TSNARE1: variants seen among roughly 807,000 people sequenced by gnomAD.
The protein encoded by TSNARE1 is t-SNARE domain containing 1.
A neutral mutation model predicts 62.0 loss-of-function variants in TSNARE1; 49 were observed. The ratio of observed to expected loss-of-function variants is 0.79; its 90% CI spans 0.63 to 1.00. TSNARE1 has a LOEUF of 1.00. TSNARE1 is among the 50% of genes least tolerant of loss of function. The pLI, the probability that TSNARE1 is intolerant of heterozygous loss-of-function variation, is 0.00. For missense variants in TSNARE1, 755 were observed against 700.1 expected (o/e 1.08, Z -0.88); for synonymous variants, 328 against 294.4 (o/e 1.11, Z -1.17).
chr8:142,312,304 C>T (rs544112994), intron 9 of TSNARE1, among the ~76,000 whole-genome samples: 4 of 152,182 alleles, frequency 2.6e-5, no homozygotes, highest in Non-Finnish European at 5.9e-5. Context: ...GTTTCTACTT[C>T]CTGTTTTTCC....
chr8:142,325,522 G>A (rs985318238), intron 6 of TSNARE1, among the ~76,000 whole-genome samples: 1 of 152,172 alleles, frequency 6.6e-6, no homozygotes, highest in Admixed American at 6.5e-5. Flanking sequence ...GCGTGGACAC[G>A]GGGCAGCTCA....
chr8:142,395,092 C>A (rs13277505), intron 1 of TSNARE1, among the ~76,000 whole-genome samples: 23,317 of 152,130 alleles, frequency 0.15, 1,875 homozygotes, highest in East Asian at 0.21. Flanking sequence ...GGAAGGGGGG[C>A]GGCCCCGTGC....
At chr8:142,346,607 G>A (rs554969083) in intron 2 of TSNARE1, among the ~76,000 whole-genome samples, 1 of 152,378 alleles carries the variant, frequency 6.6e-6, no homozygotes, top group Non-Finnish European at 1.5e-5. Context: ...GCGCCAGGCT[G>A]AGGCCTCCGA....
At chr8:142,275,115 G>T (rs1306421745) in intron 11 of TSNARE1, 2 of 985,284 alleles carry the variant, frequency 2.0e-6, no homozygotes, top group East Asian at 2.3e-4. Flanking sequence ...CACACCAGGT[G>T]GGGCAGGAAG....
intron 1 of TSNARE1, among the ~76,000 whole-genome samples, chr8:142,373,833 G>A (rs1321050215): frequency 1.3e-5 from 2 of 152,142 alleles, no homozygotes; most frequent in Non-Finnish European, 2.9e-5. Context: ...CTAGGCAGGG[G>A]AGCGGGGAAG....
At chr8:142,231,518 G>T (rs1817115362) in intron 12 of TSNARE1, among the ~76,000 whole-genome samples, 1 of 152,194 alleles carries the variant, frequency 6.6e-6, no homozygotes, top group Non-Finnish European at 1.5e-5. Flanking sequence ...CAGGGACAGG[G>T]CTCTGCATCA....
At chr8:142,280,327 G>T (rs555531920) in intron 11 of TSNARE1, 1 of 985,392 alleles carries the variant, frequency 1.0e-6, no homozygotes, top group African/African-American at 1.7e-5. Flanking sequence ...GCTGGACCCT[G>T]GAAAGGCACC....
intron 10 of TSNARE1, among the ~76,000 whole-genome samples, chr8:142,299,349 C>A (rs1825287080): frequency 6.6e-6 from 1 of 152,248 alleles, no homozygotes; most frequent in African/African-American, 2.4e-5. Context: ...AGCTGAATTA[C>A]TGCCAGGCCT....
intron 10 of TSNARE1, among the ~76,000 whole-genome samples, chr8:142,286,757 A>G (rs1822837271): frequency 6.6e-6 from 1 of 152,090 alleles, no homozygotes; most frequent in South Asian, 2.1e-4. Context: ...CGGGCTTCCC[A>G]GTTATAGACG....
At chr8:142,227,324 C>T (rs975045024) in intron 13 of TSNARE1, among the ~76,000 whole-genome samples, 12 of 113,780 alleles carry the variant, frequency 1.1e-4, no homozygotes, top group Non-Finnish European at 1.9e-4. Context: ...CCCACAACTC[C>T]AGTGATAGCC....
At chr8:142,348,476 C>T (rs1262991289) in intron 2 of TSNARE1, among the ~76,000 whole-genome samples, 2 of 150,054 alleles carry the variant, frequency 1.3e-5, no homozygotes, top group Non-Finnish European at 3.0e-5. Context: ...CCGGCCGCCC[C>T]AAGCTGGCTG....
At chr8:142,227,468 C>T (rs1563761417) in intron 13 of TSNARE1, among the ~76,000 whole-genome samples, 1 of 150,886 alleles carries the variant, frequency 6.6e-6, no homozygotes, top group Non-Finnish European at 1.5e-5. Context: ...CCCACAACCA[C>T]AATGGCAGCC....
At position 142,282,433 on chromosome 8, in the gene TSNARE1, GCAGGGGCCA is replaced by G. The variant is rs1821683184; in HGVS notation, c.1363+1971_1363+1979del. ...GGGCCAGTGTCTATTAATGAGCGGA[GCAGGGGCCA>G]GTGTCTATCAATGAGCAAAGGGGAG... is the stretch of plus-strand genomic sequence containing the variant. On this transcript the variant is annotated intron_variant, in intron 11 of 13. Coordinates refer to ENST00000524325, the MANE Select transcript of TSNARE1 (RefSeq NM_145003.5). Among the ~76,000 whole-genome samples the G allele has an allele frequency of 2.8e-4, 42 of 150,388 alleles. 2 individuals are homozygous for G. Among genetic ancestry groups the G allele is most frequent in the Non-Finnish European group, 3.4e-4 (23 of 66,926 alleles).
At chr8:142,217,716 G>A (rs1390387040) in intron 13 of TSNARE1, among the ~76,000 whole-genome samples, 2 of 152,252 alleles carry the variant, frequency 1.3e-5, no homozygotes, top group African/African-American at 2.4e-5. Flanking sequence ...ACCAAGGTCA[G>A]GGCTCAAAAT....
At chr8:142,386,640 T>C (rs1258496424) in intron 1 of TSNARE1, among the ~76,000 whole-genome samples, 1 of 152,198 alleles carries the variant, frequency 6.6e-6, no homozygotes, top group African/African-American at 2.4e-5. Context: ...AGTTAAAATT[T>C]TGTAATGGGC....
At chr8:142,276,538 G>T (rs1423735057) in intron 11 of TSNARE1, 7 of 985,360 alleles carry the variant, frequency 7.1e-6, no homozygotes, top group Non-Finnish European at 8.4e-6. Context: ...GAGAGCATTT[G>T]CCAGCAGAGA....
Position 142,328,339 on chromosome 8 carries a change from G to A in TSNARE1, c.893+2562C>T, listed in dbSNP as rs539863148. Reference sequence around the variant, plus strand: ...AAGCATGTCCCAGCTCACAGCCTACGTGCCCTCCTTATTTGGAAATGTCAT... The same window carrying A: ...AAGCATGTCCCAGCTCACAGCCTACATGCCCTCCTTATTTGGAAATGTCAT... On this transcript the variant is annotated intron_variant, in intron 6 of 13. Coordinates refer to ENST00000524325, the MANE Select transcript of TSNARE1 (RefSeq NM_145003.5). Among the ~76,000 whole-genome samples the A allele has an allele frequency of 1.7e-4, 26 of 152,210 alleles. No individual in the cohort carries two copies. In the South Asian group the frequency reaches 3.9e-3, roughly 23 times the overall value.
At chr8:142,383,916 C>T (rs1362993750) in intron 1 of TSNARE1, among the ~76,000 whole-genome samples, 1 of 152,158 alleles carries the variant, frequency 6.6e-6, no homozygotes, top group East Asian at 1.9e-4. Context: ...AATCTATAGG[C>T]CCTAAAGCAC....
At chr8:142,338,169 C>G (rs4076885) in intron 4 of TSNARE1, among the ~76,000 whole-genome samples, 22 of 152,352 alleles carry the variant, frequency 1.4e-4, no homozygotes, top group African/African-American at 4.8e-4. Flanking sequence ...ACAGGGATAA[C>G]GGGACACCCT....
Sources: allele counts gnomAD v4.1 joint callset (sites outside exome capture counted in the v4.1 genomes callset), GRCh38; gene constraint gnomAD v4.1.1; transcripts MANE v1.5; gene names NCBI Gene and HGNC (gene_info 2026-07-23, HGNC 2026-07-21).